Variants in CCDC34 observed in about 807,000 individuals in gnomAD.
The protein encoded by CCDC34 is coiled-coil domain containing 34, also known as coiled-coil domain-containing protein 34.
A neutral mutation model predicts 44.1 loss-of-function variants in CCDC34; 40 were observed. The observed-to-expected ratio is 0.91, with a 90% CI of 0.70 to 1.18. The LOEUF (loss-of-function observed/expected upper bound fraction) is 1.18, where lower values mean the gene tolerates loss of function less well. Among genes scored for constraint, CCDC34 ranks in the 50% most tolerant of loss-of-function variants. The pLI, the probability that CCDC34 is intolerant of heterozygous loss-of-function variation, is 0.00. For synonymous variants in CCDC34, 159 were observed against 158.2 expected, an observed-to-expected ratio of 1.01 and a Z score of -0.04; for missense variants, 466 against 452.3, an observed-to-expected ratio of 1.03 and a Z score of -0.28.
intron 2 of CCDC34, 63 bp downstream of exon 2, chr11:27,357,340 T>C: frequency 6.7e-7 from 1 of 1,487,904 alleles, no homozygotes; most frequent in Middle Eastern, 1.8e-4. Flanking sequence ...CATTTTAATT[T>C]ACAACTGCAG....
chr11:27,340,934 C>A, intron 4 of CCDC34, 97 bp from the exon 5 acceptor site: 2 of 1,098,168 alleles, frequency 1.8e-6, no homozygotes, highest in East Asian at 2.4e-5. Flanking sequence ...AGCTTCCTAC[C>A]CCAATGGCTT....
chr11:27,347,743 G>A (rs1365994262), intron 3 of CCDC34, among the ~76,000 whole-genome samples: 1 of 152,058 alleles, frequency 6.6e-6, no homozygotes, highest in Non-Finnish European at 1.5e-5. Context: ...GGCAGGGAGT[G>A]GGGGTGAATG....
At position 27,341,384 on chromosome 11, in the gene CCDC34, A is replaced by C. The variant is rs753714609; in HGVS notation, c.765+8T>G. On this transcript the variant is annotated splice_region_variant and intron_variant, in intron 4 of 5. Coordinates refer to ENST00000328697, the MANE Select transcript of CCDC34 (RefSeq NM_030771.2). ...ATGTATTCTAACTGGTCACTTTAATAAAAATACCTTTTCTTTCTTCTTCCT... is the reference window on the plus strand; with the variant it reads ...ATGTATTCTAACTGGTCACTTTAATCAAAATACCTTTTCTTTCTTCTTCCT... The C allele has an allele frequency of 1.4e-6, 2 of 1,447,952 alleles. No homozygotes were observed. The highest frequency in any genetic ancestry group is 1.9e-6 in the Non-Finnish European group (2 of 1,067,928). 89.7% of individuals were successfully genotyped at this position (1,447,952 alleles called of 1,614,324 possible). A position where few individuals can be genotyped will look rare whatever the true frequency, so the allele number is the denominator to read the frequency against.
intron 2 of CCDC34, among the ~76,000 whole-genome samples, chr11:27,355,071 C>T (rs1862556079): frequency 6.6e-6 from 1 of 152,138 alleles, no homozygotes; most frequent in Non-Finnish European, 1.5e-5. Flanking sequence ...CAATTAACTT[C>T]TCTCTGTACA....
At chr11:27,340,901 C>A (rs543227051) in intron 4 of CCDC34, 64 bp from the exon 5 acceptor site, 67 of 1,520,226 alleles carry the variant, frequency 4.4e-5, no homozygotes, top group Non-Finnish European at 5.9e-5. Flanking sequence ...CATTCAAATT[C>A]TACTGATTTT....
At chr11:27,347,922 G>A (rs1292663471) in intron 3 of CCDC34, among the ~76,000 whole-genome samples, 1 of 151,978 alleles carries the variant, frequency 6.6e-6, no homozygotes, top group African/African-American at 2.4e-5. Context: ...AAATCAGACA[G>A]ACTTCTGTAG....
rs1862693724 is a variant in CCDC34, at chr11:27,363,021, G to A, written c.174C>T (p.Ser58=). The A allele has an allele frequency of 6.2e-7, 1 of 1,614,084 alleles. No homozygotes were observed. The highest frequency in any genetic ancestry group is 8.5e-7 in the Non-Finnish European group (1 of 1,180,032). ...VRSPSPPLPL[S]CSNSTRSLLS... is the part of the protein sequence containing the mutation. ...ACAGCGACCTGGTGGAATTGCTGCA[G>A]CTCAGCGGCAGCGGCGGCGACGGCG... Residue 58 remains serine, a synonymous_variant, in exon 1 of 6, where the codon AGC becomes AGT. Coordinates refer to ENST00000328697, the MANE Select transcript of CCDC34 (RefSeq NM_030771.2).
chr11:27,347,824 G>C (rs1862454558), intron 3 of CCDC34, among the ~76,000 whole-genome samples: 1 of 151,940 alleles, frequency 6.6e-6, no homozygotes, highest in African/African-American at 2.4e-5. Context: ...GGTTACATGG[G>C]TACCTAAATT....
At chr11:27,341,637 A>G in intron 3 of CCDC34, 87 bp from the exon 4 acceptor site, 1 of 583,766 alleles carries the variant, frequency 1.7e-6, no homozygotes, top group Non-Finnish European at 2.7e-6. Flanking sequence ...AATTTTCTAA[A>G]CTTCAATTAT....
chr11:27,362,945 C>G lies in CCDC34; in HGVS notation c.250G>C (p.Gly84Arg). The change falls in exon 1 of 6, where the codon GGG becomes CGG. Residue 84 changes from glycine (G) to arginine (R), a missense_variant. Physicochemically the swap from Gly to Arg is moderately radical, Grantham distance 125 (BLOSUM62 -2). Coordinates refer to ENST00000328697, the MANE Select transcript of CCDC34 (RefSeq NM_030771.2). Reference protein sequence around the residue: ...SFQFDEDDGDGEDEEDVDDEE... With the variant: ...SFQFDEDDGDREDEEDVDDEE... ...TCATCCACGTCTTCCTCATCCTCCC[C>G]GTCACCGTCGTCCTCGTCAAACTGG... The G allele has an allele frequency of 6.2e-7, 1 of 1,614,182 alleles. No individual in the cohort carries two copies. Among genetic ancestry groups the G allele is most frequent in the Non-Finnish European group, 8.5e-7 (1 of 1,180,024 alleles).
intron 2 of CCDC34, among the ~76,000 whole-genome samples, chr11:27,351,139 T>G (rs1904219): frequency 0.99 from 150,716 of 152,308 alleles, 74,589 homozygotes; most frequent in East Asian, 1. Flanking sequence ...TGCATTGGTT[T>G]AGAATGCTGT....
chr11:27,346,955 GA>G (rs1166844709), intron 3 of CCDC34, among the ~76,000 whole-genome samples: 2 of 152,202 alleles, frequency 1.3e-5, no homozygotes, highest in African/African-American at 4.8e-5. Flanking sequence ...GCCGTGGAGA[GA>G]GGCCACAGGA....
chr11:27,359,871 AGCCACAACTCTTGGGCTTCC>A (rs1862636888), intron 1 of CCDC34, among the ~76,000 whole-genome samples: 1 of 152,160 alleles, frequency 6.6e-6, no homozygotes. Flanking sequence ...CACTGCCTGG[AGCCACAACTCTTGGGCTTCC>A]TGTCACTTGC....
chr11:27,344,375 T>TACAAACAC (rs1862404182), intron 3 of CCDC34, among the ~76,000 whole-genome samples: 2 of 152,202 alleles, frequency 1.3e-5, no homozygotes, highest in South Asian at 4.1e-4. Context: ...TGCTGCATGT[T>TACAAACAC]ATAAACACAT....
chr11:27,362,756 G>C lies in CCDC34; in HGVS notation c.359+80C>G, dbSNP rs1048094778. 3 of 1,488,518 alleles carry C rather than the reference G, an allele frequency of 2.0e-6. No homozygotes were observed. The African/African-American group carries it at 4.2e-5, about 21-fold the overall frequency. 92.2% of individuals were successfully genotyped at this position (1,488,518 alleles called of 1,614,324 possible). ...GCTCTGCCTTTGGGGCGGAGGGCAGGAGGATGTTAGAAGGGGGTACTTAAG... is the reference window on the plus strand; with the variant it reads ...GCTCTGCCTTTGGGGCGGAGGGCAGCAGGATGTTAGAAGGGGGTACTTAAG... On this transcript the variant is annotated intron_variant, in intron 1 of 5. Coordinates refer to ENST00000328697, the MANE Select transcript of CCDC34 (RefSeq NM_030771.2).
At chr11:27,343,883 C>T (rs776857946) in intron 3 of CCDC34, among the ~76,000 whole-genome samples, 23 of 152,240 alleles carry the variant, frequency 1.5e-4, no homozygotes, top group Non-Finnish European at 2.5e-4. Context: ...ATCACACAGA[C>T]ATCATACAGA....
At chr11:27,354,045 A>T (rs1055396213) in intron 2 of CCDC34, among the ~76,000 whole-genome samples, 1 of 152,232 alleles carries the variant, frequency 6.6e-6, no homozygotes, top group African/African-American at 2.4e-5. Flanking sequence ...TAAGGAAAAC[A>T]TGAGATAAAA....
In CCDC34 at chr11:27,349,741, T is replaced by C. The variant is rs1039806001; in HGVS notation, c.606+591A>G. ...CACTCAATTAAACTATTTTTGGACA[T>C]ATATCATGCGCAGGTATTCATCTAG... On this transcript the variant is annotated intron_variant, in intron 3 of 5. Coordinates refer to ENST00000328697, the MANE Select transcript of CCDC34 (RefSeq NM_030771.2). 5.2e-6 allele frequency: 5 copies of C among 965,084 alleles called. No homozygotes were observed. The African/African-American group carries it at 7.0e-5, about 14-fold the overall frequency. The allele number at this position is 965,084 out of a possible 1,614,324, so 59.8% of individuals were successfully genotyped here. A position where few individuals can be genotyped will look rare whatever the true frequency, so the allele number is the denominator to read the frequency against.
At chr11:27,359,527 C>T (rs914035770) in intron 1 of CCDC34, among the ~76,000 whole-genome samples, 1 of 150,916 alleles carries the variant, frequency 6.6e-6, no homozygotes, top group Non-Finnish European at 1.5e-5. Flanking sequence ...CTCCCTCTGT[C>T]GTCTAGGCTG....
Sources: allele counts gnomAD v4.1 joint callset (sites outside exome capture counted in the v4.1 genomes callset), GRCh38; gene constraint gnomAD v4.1.1; transcripts MANE v1.5; gene names NCBI Gene and HGNC (gene_info 2026-07-23, HGNC 2026-07-21).